Variants in DNAJA4 observed in about 807,000 individuals in gnomAD.
DNAJA4 encodes the protein dnaJ homolog subfamily A member 4.
DNAJA4 carries 32 observed loss-of-function variants against 39.7 expected under a neutral mutation model. The ratio of observed to expected loss-of-function variants is 0.81; its 90% CI spans 0.61 to 1.08. DNAJA4 has a LOEUF of 1.08. Among genes scored for constraint, DNAJA4 ranks in the 50% least tolerant of loss-of-function variants. DNAJA4 has a pLI of 0.00. For missense variants in DNAJA4, 439 were observed against 505.1 expected, an observed-to-expected ratio of 0.87 and a Z score of 1.25; for synonymous variants, 184 against 182.4, an observed-to-expected ratio of 1.01 and a Z score of -0.07.
chr15:78,266,202 G>C, intron 1 of DNAJA4: 1 of 1,612,964 alleles, frequency 6.2e-7, no homozygotes. Context: ...AGGAGAGCTT[G>C]TAGGCTTCTA....
In DNAJA4 at chr15:78,264,597, G is replaced by C; in HGVS notation, c.-167G>C. 1 of 1,159,772 alleles carries C rather than the reference G, an allele frequency of 8.6e-7. No homozygotes were observed. Among genetic ancestry groups the C allele is most frequent in the Admixed American group, 4.7e-5 (1 of 21,270 alleles). 71.8% of individuals were successfully genotyped at this position (1,159,772 alleles called of 1,614,324 possible). ...AGCCAGGCGTGGAAGTCGGTCCGGC[G>C]CGGGGCGGGGGGCGGGCGGGAGCTA... On this transcript the variant is annotated 5_prime_UTR_variant, in exon 1 of 7. Transcript: ENST00000394852.
chr15:78,270,430 A>T (rs561018635), intron 1 of DNAJA4, 67 bp from the exon 2 acceptor site: 1 of 1,516,100 alleles, frequency 6.6e-7, no homozygotes, highest in South Asian at 1.2e-5. Context: ...GTATGTTTAT[A>T]TGGCAGGTTT....
intron 2 of DNAJA4, 105 bp downstream of exon 2, chr15:78,270,782 G>A: frequency 1.6e-6 from 2 of 1,269,744 alleles, no homozygotes; most frequent in South Asian, 1.7e-5. Context: ...ATTGGGCCAG[G>A]CGCGGTGGTT....
In DNAJA4 at chr15:78,274,250, G is replaced by A; in HGVS notation, c.472G>A (p.Gly158Arg). 2 of 1,614,152 alleles carry A rather than the reference G, an allele frequency of 1.2e-6. No homozygotes were observed. The highest frequency in any genetic ancestry group is 8.5e-7 in the Non-Finnish European group (1 of 1,180,034). Reference protein sequence around the residue: ...VEKCPLCKGRGMQIHIQQIGP... With the variant: ...VEKCPLCKGRRMQIHIQQIGP... ...GAAGTGCCCGCTGTGCAAGGGGCGGGGGATGCAGATCCACATCCAGCAGAT... is the reference window on the plus strand; with the variant it reads ...GAAGTGCCCGCTGTGCAAGGGGCGGAGGATGCAGATCCACATCCAGCAGAT... Residue 158 changes from glycine (G) to arginine (R), a missense_variant, in exon 4 of 7, where the codon GGG becomes AGG. Coordinates refer to ENST00000394852, the MANE Select transcript of DNAJA4 (RefSeq NM_001130182.2).
At chr15:78,275,181 G>A (rs889326586) in intron 4 of DNAJA4, 1 of 342,900 alleles carries the variant, frequency 2.9e-6, no homozygotes, top group Non-Finnish European at 5.4e-6. Context: ...CCTGTGCCCC[G>A]GGAAGTGGGC....
At position 78,270,551 on chromosome 15, in the gene DNAJA4, G is replaced by A. The variant is rs1180456932; in HGVS notation, c.187G>A (p.Val63Ile). 3 of 1,614,072 alleles carry A rather than the reference G, an allele frequency of 1.9e-6. No homozygotes were observed. Among genetic ancestry groups the A allele is most frequent in the Non-Finnish European group, 2.5e-6 (3 of 1,180,048 alleles). ...EVLSDPKKRD[V>I]YDQGGEQAIK... is the part of the protein sequence containing the mutation. ...GCTTTCAGATCCAAAGAAAAGGGAT[G>A]TTTATGACCAAGGCGGAGAGCAGGC... Residue 63 changes from valine to isoleucine, a missense_variant, in exon 2 of 7, where the codon GTT (valine) becomes ATT (isoleucine). Physicochemically the swap from Val to Ile is conservative, Grantham distance 29. Coordinates refer to ENST00000394852, the MANE Select transcript of DNAJA4 (RefSeq NM_001130182.2).
chr15:78,269,759 G>A (rs910975138), intron 1 of DNAJA4, among the ~76,000 whole-genome samples: 3 of 150,444 alleles, frequency 2.0e-5, no homozygotes, highest in Non-Finnish European at 3.0e-5. Context: ...CATTGTATTC[G>A]TTTTTTTCTA....
At chr15:78,274,722 A>T in intron 4 of DNAJA4, 2 of 418,304 alleles carry the variant, frequency 4.8e-6, no homozygotes, top group Non-Finnish European at 8.9e-6. Context: ...GTTAGTTGCC[A>T]TCTCCTGACA....
At chr15:78,272,379 C>A (rs116625520) in intron 2 of DNAJA4, among the ~76,000 whole-genome samples, 1 of 152,152 alleles carries the variant, frequency 6.6e-6, no homozygotes, top group Non-Finnish European at 1.5e-5. Flanking sequence ...TTCTCTTGTC[C>A]AGCTCCCTCA....
Position 78,264,778 on chromosome 15 carries a change from C to G in DNAJA4, c.15C>G (p.Thr5=), listed in dbSNP as rs770317387. The G allele has an allele frequency of 1.9e-6, 3 of 1,605,548 alleles. No homozygotes were observed. Among genetic ancestry groups the G allele is most frequent in the Non-Finnish European group, 2.6e-6 (3 of 1,175,768 alleles). Residue 5 remains threonine, a synonymous_variant, in exon 1 of 7, where the codon ACC becomes ACG. Coordinates refer to ENST00000394852, the MANE Select transcript of DNAJA4 (RefSeq NM_001130182.2). MVKE[T]QYYDILGVKP... ...GCAGACACAAGATGGTGAAGGAGACCCAGTACTATGACATCCTGGGCGTGA... is the reference window on the plus strand; with the variant it reads ...GCAGACACAAGATGGTGAAGGAGACGCAGTACTATGACATCCTGGGCGTGA...
At chr15:78,273,323 C>A in intron 3 of DNAJA4, 124 bp downstream of exon 3, 1 of 673,092 alleles carries the variant, frequency 1.5e-6, no homozygotes, top group Non-Finnish European at 2.6e-6. Flanking sequence ...GCAGAGATTA[C>A]AAACAGGTGG....
Position 78,264,834 on chromosome 15 carries a change from A to C in DNAJA4, c.71A>C (p.Lys24Thr). The C allele has an allele frequency of 6.2e-7, 1 of 1,610,000 alleles. No homozygotes were observed. Among genetic ancestry groups the C allele is most frequent in the Non-Finnish European group, 8.5e-7 (1 of 1,178,292 alleles). The change falls in exon 1 of 7, where the codon AAG becomes ACG. Residue 24 changes from lysine to threonine, a missense_variant. Physicochemically the swap from Lys to Thr is moderately conservative, Grantham distance 78. Coordinates refer to ENST00000394852, the MANE Select transcript of DNAJA4 (RefSeq NM_001130182.2). ...KPSASPEEIK[K>T]AYRKLALKYH... is the part of the protein sequence containing the mutation. The stretch of plus-strand genomic sequence containing the variant: ...AGCGCGTCCCCGGAGGAGATCAAGA[A>C]GGCCTATCGGAAGCTGGCGCTCAAG...
chr15:78,265,019 G>C, intron 1 of DNAJA4, 124 bp downstream of exon 1: 1 of 1,184,234 alleles, frequency 8.4e-7, no homozygotes, highest in Non-Finnish European at 1.1e-6. Flanking sequence ...AGGCGCCTCG[G>C]GGCCAGGCCG....
In DNAJA4 at chr15:78,267,465, GT is replaced by G. The variant is rs71148512; in HGVS notation, c.132+2580del. On this transcript the variant is annotated intron_variant, in intron 1 of 6. Transcript: ENST00000394852. ...ATGGAGTCTGTACTTCTCTGCGGGT[GT>G]TTTTTTTTTGTTTTTTGTTTTTTTT... 6.8e-5 allele frequency among the ~76,000 whole-genome samples: 10 copies of G among 148,046 alleles called. No homozygotes were observed. The East Asian group carries it at 7.9e-4, about 12-fold the overall frequency.
chr15:78,275,279 C>T, intron 4 of DNAJA4: 1 of 559,264 alleles, frequency 1.8e-6, no homozygotes. Flanking sequence ...TTCCCCCACT[C>T]CCTGTGCATG....
At chr15:78,265,013 G>A (rs1405354295) in intron 1 of DNAJA4, 118 bp downstream of exon 1, 13 of 1,235,742 alleles carry the variant, frequency 1.1e-5, no homozygotes, top group Admixed American at 5.8e-5. Context: ...GTCGCCAGGC[G>A]CCTCGGGGCC....
intron 1 of DNAJA4, among the ~76,000 whole-genome samples, chr15:78,267,222 A>G (rs999643817): frequency 9.3e-6 from 1 of 107,026 alleles, no homozygotes; most frequent in Non-Finnish European, 2.1e-5. Context: ...ATGTGTGTGT[A>G]GTTCTTTTCC....
upstream of DNAJA4, chr15:78,264,261 A>G: frequency 8.2e-7 from 1 of 1,226,162 alleles, no homozygotes. Context: ...GGGCGGCGGG[A>G]CAGTTGTCGG....
chr15:78,271,192 T>C (rs1187646623), intron 2 of DNAJA4, among the ~76,000 whole-genome samples: 2 of 152,180 alleles, frequency 1.3e-5, no homozygotes, highest in Non-Finnish European at 2.9e-5. Context: ...TCTGACACCC[T>C]CCAATACCAT....
Sources: gnomAD v4.1 joint callset for allele counts (sites outside exome capture counted in the v4.1 genomes callset) on GRCh38, gnomAD v4.1.1 for gene constraint, MANE v1.5 for transcripts, NCBI Gene and HGNC (gene_info 2026-07-23, HGNC 2026-07-21) for gene names.